Variants in MGAT4C observed in about 807,000 individuals in gnomAD.
MGAT4C encodes the protein alpha-1,3-mannosyl-glycoprotein 4-beta-N-acetylglucosaminyltransferase C.
MGAT4C carries 19 observed loss-of-function variants against 40.1 expected under a neutral mutation model. That is an observed-to-expected ratio of 0.47 (90% CI 0.33 to 0.70). The LOEUF (loss-of-function observed/expected upper bound fraction) is 0.70. Among genes scored for constraint, MGAT4C ranks in the 30% least tolerant of loss-of-function variants. The pLI is 0.02. For missense variants in MGAT4C, 491 were observed against 563.2 expected (o/e 0.87, Z 1.30); for synonymous variants, 181 against 187.1 (o/e 0.97, Z 0.27).
At chr12:86,292,050 A>C (rs1056258365) in intron 4 of MGAT4C, among the ~76,000 whole-genome samples, 1 of 151,890 alleles carries the variant, frequency 6.6e-6, no homozygotes, top group Non-Finnish European at 1.5e-5. Flanking sequence ...CTCCACATTC[A>C]CCTCCTTAAG....
At chr12:86,675,754 T>C (rs80108972) in intron 2 of MGAT4C, among the ~76,000 whole-genome samples, 1 of 152,204 alleles carries the variant, frequency 6.6e-6, no homozygotes, top group African/African-American at 2.4e-5. Flanking sequence ...TATACATTCA[T>C]ATAATATGTC....
chr12:86,761,383 A>G (rs1951403337), intron 1 of MGAT4C, among the ~76,000 whole-genome samples: 1 of 152,090 alleles, frequency 6.6e-6, no homozygotes, highest in Admixed American at 6.5e-5. Flanking sequence ...AAGACATTGT[A>G]TTTTTTCCTA....
At chr12:86,119,005 G>T (rs915767660) in intron 1 of MGAT4C, among the ~76,000 whole-genome samples, 1 of 152,002 alleles carries the variant, frequency 6.6e-6, no homozygotes, top group Non-Finnish European at 1.5e-5. Context: ...TCTAAGAGTT[G>T]ACTGTGAAAA....
intron 1 of MGAT4C, among the ~76,000 whole-genome samples, chr12:86,102,860 C>T (rs1380901121): frequency 1.3e-5 from 2 of 151,840 alleles, no homozygotes. Context: ...TTAGAATAGC[C>T]ATTTAAATTT....
intron 3 of MGAT4C, among the ~76,000 whole-genome samples, chr12:86,415,344 T>C (rs1444564440): frequency 6.6e-6 from 1 of 152,034 alleles, no homozygotes; most frequent in Non-Finnish European, 1.5e-5. Context: ...AATAATGGTA[T>C]GCTAGACCCT....
At chr12:86,577,722 A>C (rs900348338) in intron 2 of MGAT4C, among the ~76,000 whole-genome samples, 2 of 151,714 alleles carry the variant, frequency 1.3e-5, no homozygotes, top group African/African-American at 4.8e-5. Flanking sequence ...TATTTTATTG[A>C]GGATTTTTGC....
At chr12:86,605,739 G>A (rs1033443557) in intron 2 of MGAT4C, among the ~76,000 whole-genome samples, 1 of 152,058 alleles carries the variant, frequency 6.6e-6, no homozygotes, top group Non-Finnish European at 1.5e-5. Context: ...TCCATTCCCA[G>A]CAAGCACTGG....
rs1190635891 is a variant in MGAT4C, at chr12:85,967,937, A to AT, written c.*11351dup. ...GATCTCTATGTAAATACATTATTTC[A>AT]TTTGTGGAAATATATTGAGGCCTAT... On this transcript the variant is annotated 3_prime_UTR_variant, in exon 5 of 5. Transcript: ENST00000611864. 31 of 152,182 alleles carry AT rather than the reference A, an allele frequency of 2.0e-4. No individual in the cohort carries two copies. Among genetic ancestry groups the AT allele is most frequent in the African/African-American group, 7.2e-4 (30 of 41,574 alleles). The allele number at this position is 152,182 out of a possible 1,614,324, so 9.4% of individuals were successfully genotyped here. A position where few individuals can be genotyped will look rare whatever the true frequency, so the allele number is the denominator to read the frequency against.
In MGAT4C at chr12:85,973,311, T is replaced by A. The variant is rs1039660568; in HGVS notation, c.*5978A>T. The A allele has an allele frequency of 3.9e-4, 59 of 150,894 alleles. 2 individuals carry two copies. The highest frequency in any genetic ancestry group is 6.6e-5 in the Admixed American group (1 of 15,108). 9.3% of individuals were successfully genotyped at this position (150,894 alleles called of 1,614,324 possible). A position where few individuals can be genotyped will look rare whatever the true frequency, so the allele number is the denominator to read the frequency against. The stretch of plus-strand genomic sequence containing the variant: ...AGCCTCTATTGCTTTATATATGCAT[T>A]TATTTTGGTAATTTTTATACATCAA... On this transcript the variant is annotated 3_prime_UTR_variant, in exon 5 of 5. Coordinates refer to ENST00000611864, the MANE Select transcript of MGAT4C (RefSeq NM_001351288.2).
intron 3 of MGAT4C, among the ~76,000 whole-genome samples, chr12:86,408,112 A>C (rs370362174): frequency 1.3e-5 from 2 of 152,010 alleles, no homozygotes; most frequent in Admixed American, 1.3e-4. Context: ...GCACACACAC[A>C]CAACTGCAGA....
chr12:86,642,907 G>A (rs766051945), intron 2 of MGAT4C, among the ~76,000 whole-genome samples: 6 of 151,646 alleles, frequency 4.0e-5, no homozygotes, highest in South Asian at 2.1e-4. Flanking sequence ...TGAAACCTTC[G>A]TACATGATTT....
chr12:86,700,035 A>AATAGATAGATAGGTAG (rs143242168), intron 2 of MGAT4C, among the ~76,000 whole-genome samples: 3 of 147,624 alleles, frequency 2.0e-5, no homozygotes, highest in Non-Finnish European at 4.5e-5. Context: ...AATTTAGATA[A>AATAGATAGATAGGTAG]ATAGATAGAT....
chr12:86,007,566 T>C (rs1357777374), intron 2 of MGAT4C, among the ~76,000 whole-genome samples: 1 of 151,988 alleles, frequency 6.6e-6, no homozygotes, highest in Non-Finnish European at 1.5e-5. Context: ...TCTGGTAGAA[T>C]TCAAATAAAG....
intron 2 of MGAT4C, among the ~76,000 whole-genome samples, chr12:86,462,594 G>C (rs1013199197): frequency 1.3e-5 from 2 of 152,166 alleles, no homozygotes; most frequent in African/African-American, 4.8e-5. Flanking sequence ...ATGTCTGCAA[G>C]TTGAGGAGCT....
chr12:86,830,287 T>C (rs1050683477), intron 1 of MGAT4C, among the ~76,000 whole-genome samples: 3 of 151,700 alleles, frequency 2.0e-5, no homozygotes, highest in Admixed American at 1.3e-4. Flanking sequence ...TGCCTGCCCC[T>C]GTCATGGGGT....
intron 2 of MGAT4C, among the ~76,000 whole-genome samples, chr12:86,491,336 CA>C (rs1159821724): frequency 6.6e-6 from 1 of 151,732 alleles, no homozygotes; most frequent in Non-Finnish European, 1.5e-5. Context: ...GGCAGAGACA[CA>C]ACCAAAAAAA....
intron 2 of MGAT4C, among the ~76,000 whole-genome samples, chr12:86,686,070 CAT>C (rs1950067535): frequency 6.6e-6 from 1 of 150,830 alleles, no homozygotes; most frequent in Non-Finnish European, 1.5e-5. Flanking sequence ...TAGTAGAGAA[CAT>C]GTTTCACCGT....
At chr12:86,399,025 C>T (rs918116027) in intron 3 of MGAT4C, among the ~76,000 whole-genome samples, 3 of 152,164 alleles carry the variant, frequency 2.0e-5, no homozygotes, top group Admixed American at 1.3e-4. Context: ...GGCTGAAGTG[C>T]AGTGGCGCCA....
intron 1 of MGAT4C, among the ~76,000 whole-genome samples, chr12:86,786,426 C>A (rs2136188654): frequency 6.6e-6 from 1 of 151,738 alleles, no homozygotes; most frequent in South Asian, 2.1e-4. Flanking sequence ...AATATTTTTT[C>A]TTTTTTTTGG....
Sources: allele counts gnomAD v4.1 joint callset (sites outside exome capture counted in the v4.1 genomes callset), GRCh38; gene constraint gnomAD v4.1.1; transcripts MANE v1.5; gene names NCBI Gene and HGNC (gene_info 2026-07-23, HGNC 2026-07-21).